NLGN1: variants seen among roughly 807,000 people sequenced by gnomAD.
NLGN1 encodes neuroligin-1.
A neutral mutation model predicts 65.5 loss-of-function variants in NLGN1; 12 were observed. That is an observed-to-expected ratio of 0.18 (90% CI 0.12 to 0.30). The LOEUF (loss-of-function observed/expected upper bound fraction) is 0.30, where lower values mean the gene tolerates loss of function less well. Among genes scored for constraint, NLGN1 ranks in the 10% least tolerant of loss-of-function variants. The pLI, the probability that NLGN1 is intolerant of heterozygous loss-of-function variation, is 1.00. For missense variants in NLGN1, 750 were observed against 1,007.1 expected, an observed-to-expected ratio of 0.74 and a Z score of 3.46; for synonymous variants, 350 against 359.5, an observed-to-expected ratio of 0.97 and a Z score of 0.30.
intron 4 of NLGN1, among the ~76,000 whole-genome samples, chr3:174,111,832 C>T (rs1343891858): frequency 2.3e-4 from 35 of 151,882 alleles, no homozygotes; most frequent in Admixed American, 2.3e-3. Context: ...ATGAGAGCAA[C>T]ACATGAACGT....
At chr3:173,904,330 A>G (rs561222092) in intron 4 of NLGN1, among the ~76,000 whole-genome samples, 16 of 152,076 alleles carry the variant, frequency 1.1e-4, no homozygotes, top group Non-Finnish European at 1.8e-4. Context: ...CATTTAAGGC[A>G]TTGTGCTAGC....
intron 2 of NLGN1, among the ~76,000 whole-genome samples, chr3:173,522,091 C>T (rs1012369380): frequency 2.0e-5 from 3 of 152,212 alleles, no homozygotes; most frequent in Non-Finnish European, 2.9e-5. Context: ...CAACTCTCTG[C>T]ACACCTTCCA....
intron 3 of NLGN1, among the ~76,000 whole-genome samples, chr3:173,672,397 C>T (rs998661752): frequency 2.0e-5 from 3 of 152,090 alleles, no homozygotes; most frequent in Non-Finnish European, 4.4e-5. Context: ...GAAATGCTTA[C>T]GAGATTTGCA....
rs186286643 is a variant in NLGN1 at position 174,070,205 on chromosome 3, A to G, written c.647-205110A>G. Among the ~76,000 whole-genome samples, 466 of 152,282 alleles carry G rather than the reference A, an allele frequency of 3.1e-3. 4 individuals carry two copies. Among genetic ancestry groups the G allele is most frequent in the African/African-American group, 0.011 (446 of 41,564 alleles). On this transcript the variant is annotated intron_variant, in intron 4 of 6. Transcript: ENST00000457714. ...GGCTATGAAAGGCTAAATTTAAGTG[A>G]AACCAGACAGAAGATTCCTACCTCA...
At chr3:174,039,214 C>T (rs547794859) in intron 4 of NLGN1, among the ~76,000 whole-genome samples, 3 of 151,846 alleles carry the variant, frequency 2.0e-5, no homozygotes, top group South Asian at 2.1e-4. Flanking sequence ...TACCTTCAGA[C>T]GCAGAACATA....
At chr3:173,944,522 C>T (rs1746806182) in intron 4 of NLGN1, among the ~76,000 whole-genome samples, 1 of 152,066 alleles carries the variant, frequency 6.6e-6, no homozygotes, top group Non-Finnish European at 1.5e-5. Flanking sequence ...TATCCCTCTC[C>T]TAAACCTAGG....
intron 4 of NLGN1, among the ~76,000 whole-genome samples, chr3:174,090,196 C>T (rs1264257428): frequency 6.6e-6 from 1 of 151,992 alleles, no homozygotes; most frequent in Non-Finnish European, 1.5e-5. Context: ...AAGGTCCGGG[C>T]GAGGTGGCTC....
intron 3 of NLGN1, among the ~76,000 whole-genome samples, chr3:173,752,232 A>G (rs538663226): frequency 6.6e-6 from 1 of 152,278 alleles, no homozygotes; most frequent in Admixed American, 6.5e-5. Flanking sequence ...TTAAAAATAT[A>G]GATTTGTATT....
intron 4 of NLGN1, among the ~76,000 whole-genome samples, chr3:173,818,422 AAGAC>A (rs1385292616): frequency 6.6e-6 from 1 of 152,248 alleles, no homozygotes; most frequent in Non-Finnish European, 1.5e-5. Flanking sequence ...AATATTTTGT[AAGAC>A]AGATAAAATA....
chr3:174,092,191 T>C (rs1467442426), intron 4 of NLGN1, among the ~76,000 whole-genome samples: 1 of 152,164 alleles, frequency 6.6e-6, no homozygotes, highest in African/African-American at 2.4e-5. Flanking sequence ...TCTTCAGAGC[T>C]TGTAAGACGG....
At chr3:174,024,480 A>G (rs1728438820) in intron 4 of NLGN1, among the ~76,000 whole-genome samples, 2 of 152,162 alleles carry the variant, frequency 1.3e-5, no homozygotes, top group Admixed American at 6.6e-5. Flanking sequence ...CTTTAGATTT[A>G]TGGTCTATGT....
Position 174,110,080 on chromosome 3 carries a change from C to G in NLGN1, c.647-165235C>G, listed in dbSNP as rs115744626. The stretch of plus-strand genomic sequence containing the variant: ...TTTGTTGTTTTTAGAGTGGTATACA[C>G]TTGATTTGTCATTTTTAGAAGTGAA... On this transcript the variant is annotated intron_variant, in intron 4 of 6. Transcript: ENST00000457714. Among the ~76,000 whole-genome samples, 525 of 152,052 alleles carry G rather than the reference C, an allele frequency of 3.5e-3. 1 individual carries two copies. Among genetic ancestry groups the G allele is most frequent in the African/African-American group, 0.011 (461 of 41,506 alleles).
chr3:173,971,268 T>A (rs1287037773), intron 4 of NLGN1, among the ~76,000 whole-genome samples: 2 of 152,100 alleles, frequency 1.3e-5, no homozygotes, highest in African/African-American at 4.8e-5. Context: ...CAATGAGATG[T>A]CGGTTGTGAT....
At chr3:173,946,731 T>C (rs1747228306) in intron 4 of NLGN1, among the ~76,000 whole-genome samples, 1 of 152,210 alleles carries the variant, frequency 6.6e-6, no homozygotes, top group Admixed American at 6.5e-5. Flanking sequence ...CTATTCACTG[T>C]CCTCTACTCA....
intron 2 of NLGN1, among the ~76,000 whole-genome samples, chr3:173,559,662 A>G (rs1242898272): frequency 2.0e-5 from 3 of 152,200 alleles, no homozygotes; most frequent in Non-Finnish European, 4.4e-5. Context: ...TTTAAATCAA[A>G]TCTCAATTTT....
At chr3:173,693,064 A>T (rs1765699687) in intron 3 of NLGN1, among the ~76,000 whole-genome samples, 1 of 151,926 alleles carries the variant, frequency 6.6e-6, no homozygotes, top group Admixed American at 6.6e-5. Context: ...AGTACACTAC[A>T]AGTGAAGGTA....
chr3:173,508,682 G>C (rs1338058987), intron 2 of NLGN1, among the ~76,000 whole-genome samples: 1 of 152,092 alleles, frequency 6.6e-6, no homozygotes, highest in Non-Finnish European at 1.5e-5. Context: ...TCATTTGCCA[G>C]TTTCCTCTGA....
intron 4 of NLGN1, among the ~76,000 whole-genome samples, chr3:174,013,787 C>T (rs771874557): frequency 1.3e-5 from 2 of 152,192 alleles, no homozygotes; most frequent in Non-Finnish European, 2.9e-5. Context: ...GATCATGGCT[C>T]ACTGCCGCAG....
chr3:173,430,298 T>G (rs1358656071), intron 1 of NLGN1, among the ~76,000 whole-genome samples: 1 of 152,266 alleles, frequency 6.6e-6, no homozygotes, highest in Non-Finnish European at 1.5e-5. Context: ...GGTGATAATC[T>G]TGGCCCTAGA....
Sources: gnomAD v4.1 joint callset for allele counts (sites outside exome capture counted in the v4.1 genomes callset) on GRCh38, gnomAD v4.1.1 for gene constraint, MANE v1.5 for transcripts, NCBI Gene and HGNC (gene_info 2026-07-23, HGNC 2026-07-21) for gene names.